Variants in PTPRD observed in about 807,000 individuals in gnomAD.
PTPRD encodes the protein protein tyrosine phosphatase receptor type D, also known as receptor-type tyrosine-protein phosphatase delta.
PTPRD carries 34 observed loss-of-function variants against 214.5 expected under a neutral mutation model. The ratio of observed to expected loss-of-function variants is 0.16; its 90% CI spans 0.12 to 0.21. PTPRD has a LOEUF of 0.21. PTPRD is among the 10% of genes least tolerant of loss of function. The probability of loss-of-function intolerance (pLI) is 1.00; values close to 1 mark genes in which losing one functional copy is unlikely to be tolerated. For missense variants in PTPRD, 2,545 were observed against 2,398.7 expected, an observed-to-expected ratio of 1.06 and a Z score of -1.27; for synonymous variants, 1,128 against 845.7, an observed-to-expected ratio of 1.33 and a Z score of -5.79.
intron 2 of PTPRD, among the ~76,000 whole-genome samples, chr9:10,471,552 A>C (rs1171496455): frequency 6.6e-6 from 1 of 152,024 alleles, no homozygotes; most frequent in Non-Finnish European, 1.5e-5. Context: ...TTTTCTTCAA[A>C]TCTCAGTTTC....
chr9:9,367,358 AT>A (rs2058163128), intron 9 of PTPRD, among the ~76,000 whole-genome samples: 1 of 151,642 alleles, frequency 6.6e-6, no homozygotes, highest in Non-Finnish European at 1.5e-5. Flanking sequence ...AAATATACAT[AT>A]TTTGAAAAAT....
intron 8 of PTPRD, among the ~76,000 whole-genome samples, chr9:9,566,438 G>C (rs1012466482): frequency 1.3e-5 from 2 of 151,910 alleles, no homozygotes; most frequent in Non-Finnish European, 2.9e-5. Flanking sequence ...ATTTCTCTCT[G>C]TACGTGCTTT....
chr9:9,342,777 G>C (rs1418248508), intron 9 of PTPRD, among the ~76,000 whole-genome samples: 3 of 151,756 alleles, frequency 2.0e-5, no homozygotes, highest in Non-Finnish European at 2.9e-5. Context: ...TTGATAAATA[G>C]GTATACACGT....
At chr9:10,151,621 T>A (rs1177664499) in intron 3 of PTPRD, among the ~76,000 whole-genome samples, 1 of 152,158 alleles carries the variant, frequency 6.6e-6, no homozygotes, top group Non-Finnish European at 1.5e-5. Flanking sequence ...ACAGAAAGTT[T>A]ACTATTTTTA....
intron 8 of PTPRD, among the ~76,000 whole-genome samples, chr9:9,527,529 C>T (rs1034785660): frequency 5.5e-4 from 83 of 152,248 alleles, no homozygotes; most frequent in African/African-American, 2.0e-3. Flanking sequence ...AAAATCAGGA[C>T]AAACTTCTTG....
rs35994999 is a variant in PTPRD at position 10,424,313 on chromosome 9, TTCTCTCTCTCTC to T, written c.-599-83308_-599-83297del. Among the ~76,000 whole-genome samples the T allele has an allele frequency of 4.1e-5, 6 of 145,590 alleles. No individual in the cohort carries two copies. In the East Asian group the frequency reaches 1.2e-3, roughly 30 times the overall value. ...TAAAGCTTGATAATATGGTTTCCTTTTCTCTCTCTCTCTCTCTCTCTCTCTCTCTCAGGAATT... is the reference window on the plus strand; with the variant it reads ...TAAAGCTTGATAATATGGTTTCCTTTTCTCTCTCTCTCTCTCTCAGGAATT... On this transcript the variant is annotated intron_variant, in intron 2 of 45. Coordinates refer to ENST00000381196, the MANE Select transcript of PTPRD (RefSeq NM_002839.4).
At chr9:8,759,611 ATTTCTTTTT>A (rs2094272526) in intron 11 of PTPRD, among the ~76,000 whole-genome samples, 1 of 110,470 alleles carries the variant, frequency 9.1e-6, no homozygotes, top group African/African-American at 3.1e-5. Context: ...TTCCTGTTAC[ATTTCTTTTT>A]TTTTTTTTTT....
chr9:9,627,792 T>A (rs1306757510), intron 7 of PTPRD, among the ~76,000 whole-genome samples: 2 of 152,218 alleles, frequency 1.3e-5, no homozygotes, highest in African/African-American at 2.4e-5. Context: ...TGTATGTGAC[T>A]GACTTTCCTT....
intron 27 of PTPRD, 34 bp from the exon 28 acceptor site, chr9:8,486,383 C>A (rs769056275): frequency 1.0e-5 from 16 of 1,542,970 alleles, no homozygotes; most frequent in Non-Finnish European, 5.4e-6. Context: ...TAAGACCAAC[C>A]AATCTGAACG....
At chr9:9,440,112 A>G (rs2086941049) in intron 8 of PTPRD, among the ~76,000 whole-genome samples, 1 of 152,204 alleles carries the variant, frequency 6.6e-6, no homozygotes, top group Non-Finnish European at 1.5e-5. Flanking sequence ...CAGTTCAATG[A>G]AAATATCATT....
At chr9:9,354,029 G>C (rs2052600220) in intron 9 of PTPRD, among the ~76,000 whole-genome samples, 1 of 151,718 alleles carries the variant, frequency 6.6e-6, no homozygotes, top group Non-Finnish European at 1.5e-5. Flanking sequence ...AGCTCCTAGA[G>C]GCTGCTCTGA....
intron 2 of PTPRD, among the ~76,000 whole-genome samples, chr9:10,565,552 G>T (rs1690017880): frequency 6.6e-6 from 1 of 151,922 alleles, no homozygotes; most frequent in African/African-American, 2.4e-5. Flanking sequence ...AGTAAGTACT[G>T]CAAAATTTTA....
At chr9:9,754,523 T>G (rs2098550693) in intron 6 of PTPRD, among the ~76,000 whole-genome samples, 1 of 152,008 alleles carries the variant, frequency 6.6e-6, no homozygotes, top group Admixed American at 6.6e-5. Flanking sequence ...ACAAGAATAT[T>G]TGGCAAAAAA....
At chr9:9,850,206 A>T (rs1164642169) in intron 5 of PTPRD, among the ~76,000 whole-genome samples, 1 of 152,178 alleles carries the variant, frequency 6.6e-6, no homozygotes, top group Non-Finnish European at 1.5e-5. Context: ...TTTCTTTTTG[A>T]ATACTGAAAC....
rs554769495 is a variant in PTPRD, at chr9:10,114,556, C to CAT, written c.-544-80768_-544-80767dup. On this transcript the variant is annotated intron_variant, in intron 3 of 45. Transcript: ENST00000381196. The stretch of plus-strand genomic sequence containing the variant: ...TCATAAACTTATACATATATATGTG[C>CAT]ATATATATGCTTGTATTATATAGGT... Among the ~76,000 whole-genome samples the CAT allele has an allele frequency of 4.6e-3, 700 of 151,904 alleles. 4 individuals carry two copies. Among genetic ancestry groups the CAT allele is most frequent in the Non-Finnish European group, 7.5e-3 (509 of 67,942 alleles).
intron 7 of PTPRD, among the ~76,000 whole-genome samples, chr9:9,642,181 C>T (rs994740041): frequency 2.1e-5 from 3 of 142,422 alleles, no homozygotes; most frequent in African/African-American, 5.3e-5. Flanking sequence ...AACCAAACAC[C>T]GTATATTCTC....
At chr9:9,310,029 C>T (rs999212520) in intron 9 of PTPRD, among the ~76,000 whole-genome samples, 1 of 151,968 alleles carries the variant, frequency 6.6e-6, no homozygotes, top group Non-Finnish European at 1.5e-5. Context: ...TTCTCAACTA[C>T]CCCAGAATTC....
rs187708947 is a variant in PTPRD at position 8,748,061 on chromosome 9, G to A, written c.-103-14115C>T. 4.6e-5 allele frequency among the ~76,000 whole-genome samples: 7 copies of A among 152,238 alleles called. No individual in the cohort carries two copies. In the South Asian group the frequency reaches 1.0e-3, roughly 23 times the overall value. On this transcript the variant is annotated intron_variant, in intron 11 of 45. Coordinates refer to ENST00000381196, the MANE Select transcript of PTPRD (RefSeq NM_002839.4). ...TGCTAGCCCATGCTCCGATGTTAAC[G>A]ACATTGAAGGCACCCCTCCTGAGGA...
intron 2 of PTPRD, among the ~76,000 whole-genome samples, chr9:10,519,475 TGGCAGAATTTTAAATGAACA>T (rs2051410265): frequency 6.6e-6 from 1 of 152,124 alleles, no homozygotes; most frequent in Admixed American, 6.6e-5. Context: ...ACAAAATGTT[TGGCAGAATTTTAAATGAACA>T]GAAATTGAGC....
Sources: gnomAD v4.1 joint callset for allele counts (sites outside exome capture counted in the v4.1 genomes callset) on GRCh38, gnomAD v4.1.1 for gene constraint, MANE v1.5 for transcripts, NCBI Gene and HGNC (gene_info 2026-07-23, HGNC 2026-07-21) for gene names.